Variants in CHL1 observed in about 807,000 individuals in gnomAD.
CHL1 encodes the protein cell adhesion molecule L1 like, also known as neural cell adhesion molecule L1-like protein.
A neutral mutation model predicts 141.9 loss-of-function variants in CHL1; 96 were observed. The observed-to-expected ratio is 0.68, with a 90% CI of 0.57 to 0.80. The LOEUF is 0.80. Among genes scored for constraint, CHL1 ranks in the 30% least tolerant of loss-of-function variants. The pLI is 0.00. For missense variants in CHL1, 1,820 were observed against 1,457.2 expected (o/e 1.25, Z -4.05); for synonymous variants, 613 against 502.2 (o/e 1.22, Z -2.95).
chr3:234,591 G>A (rs1335849414), intron 1 of CHL1, among the ~76,000 whole-genome samples: 1 of 152,080 alleles, frequency 6.6e-6, no homozygotes, highest in African/African-American at 2.4e-5. Context: ...GGGAGAGGAC[G>A]GGACTCTGAA....
At chr3:298,531 A>G (rs1475148103) in intron 2 of CHL1, among the ~76,000 whole-genome samples, 1 of 152,202 alleles carries the variant, frequency 6.6e-6, no homozygotes, top group Non-Finnish European at 1.5e-5. Flanking sequence ...CCAGGAGACC[A>G]TGCCCATAAA....
chr3:312,746 C>T (rs1161473921), intron 2 of CHL1, among the ~76,000 whole-genome samples: 2 of 152,166 alleles, frequency 1.3e-5, no homozygotes, highest in African/African-American at 4.8e-5. Context: ...AGACATCTTG[C>T]TTGATGCAGC....
chr3:384,888 A>G (rs932747122), intron 19 of CHL1, among the ~76,000 whole-genome samples: 1 of 152,210 alleles, frequency 6.6e-6, no homozygotes, highest in African/African-American at 2.4e-5. Context: ...TGTACTCATT[A>G]CACAATCACA....
chr3:388,699 TG>T (rs74786263), intron 19 of CHL1, among the ~76,000 whole-genome samples: 93,124 of 152,050 alleles, frequency 0.61, 33,275 homozygotes, highest in South Asian at 0.8. Context: ...GAGGAGCTAC[TG>T]TTTTTTTGTA....
chr3:349,237 G>A, intron 9 of CHL1, 122 bp from the exon 10 acceptor site: 1 of 763,808 alleles, frequency 1.3e-6, no homozygotes, highest in Non-Finnish European at 2.1e-6. Context: ...AGGATGACGT[G>A]ATTCAGTGGA....
At chr3:326,122 C>G in intron 4 of CHL1, 58 bp downstream of exon 4, 1 of 1,000,894 alleles carries the variant, frequency 1.0e-6, no homozygotes, top group Non-Finnish European at 1.5e-6. Flanking sequence ...TTATGCTGCT[C>G]TTTACTCTTA....
chr3:249,796 T>A (rs1025837417), intron 2 of CHL1, among the ~76,000 whole-genome samples: 3 of 152,146 alleles, frequency 2.0e-5, no homozygotes, highest in Non-Finnish European at 4.4e-5. Flanking sequence ...ACCAGTTATA[T>A]CAAGCCTTAT....
intron 1 of CHL1, among the ~76,000 whole-genome samples, chr3:219,533 T>C (rs1341080724): frequency 1.3e-5 from 2 of 152,212 alleles, no homozygotes; most frequent in Non-Finnish European, 2.9e-5. Context: ...ATCATGTCCT[T>C]TGCATGGACA....
intron 18 of CHL1, 78 bp downstream of exon 18, chr3:382,749 G>C: frequency 1.6e-6 from 2 of 1,245,938 alleles, no homozygotes; most frequent in Non-Finnish European, 2.3e-6. Context: ...AAAAAAGATT[G>C]ATAGAGTAAT....
At chr3:403,250 G>C (rs1709284088) in intron 27 of CHL1, among the ~76,000 whole-genome samples, 1 of 152,264 alleles carries the variant, frequency 6.6e-6, no homozygotes, top group East Asian at 1.9e-4. Flanking sequence ...GTGAGCCAGG[G>C]AGCAAGAGAG....
intron 15 of CHL1, among the ~76,000 whole-genome samples, chr3:366,336 T>A (rs1304712771): frequency 6.6e-6 from 1 of 151,970 alleles, no homozygotes; most frequent in Non-Finnish European, 1.5e-5. Context: ...CCGGGCATGA[T>A]GGCACGTGCC....
In CHL1 at chr3:404,909, C is replaced by T. The variant is rs1223226365; in HGVS notation, c.3459-586C>T. ...TCCCACAGTTCAGGATTCTGAGAAG[C>T]CTAAGAGCAAAGTGCCAGCATTTTC... On this transcript the variant is annotated intron_variant, in intron 27 of 27. Coordinates refer to ENST00000256509, the MANE Select transcript of CHL1 (RefSeq NM_006614.4). Among the ~76,000 whole-genome samples the T allele has an allele frequency of 3.3e-5, 5 of 152,076 alleles. No individual in the cohort carries two copies. The East Asian group carries it at 9.6e-4, about 29-fold the overall frequency.
rs1262001416 is a variant in CHL1 at position 360,301 on chromosome 3, G to A, written c.1183G>A (p.Asp395Asn). The A allele has an allele frequency of 5.0e-6, 8 of 1,613,676 alleles. No homozygotes were observed. Among genetic ancestry groups the A allele is most frequent in the South Asian group, 4.4e-5 (4 of 91,072 alleles). Residue 395 changes from aspartate (D) to asparagine (N), a missense_variant, in exon 12 of 28, where the codon GAT becomes AAT. Coordinates refer to ENST00000256509, the MANE Select transcript of CHL1 (RefSeq NM_006614.4). ...SPVDNHPFAG[D>N]VVFPREISFT... The stretch of plus-strand genomic sequence containing the variant: ...TCTTTCAGATCATCCATTTGCTGGT[G>A]ATGTTGTCTTCCCCAGGGAAATCAG...
chr3:354,600 A>T (rs773171586), intron 10 of CHL1, 40 bp from the exon 11 acceptor site: 2 of 1,569,370 alleles, frequency 1.3e-6, no homozygotes, highest in South Asian at 1.2e-5. Flanking sequence ...ACTTTTTGAC[A>T]TAGATAACAT....
intron 1 of CHL1, among the ~76,000 whole-genome samples, chr3:232,872 T>G (rs1271388034): frequency 6.6e-6 from 1 of 152,178 alleles, no homozygotes; most frequent in Non-Finnish European, 1.5e-5. Context: ...GAATTTTCTC[T>G]GTTACTCCAC....
At chr3:280,933 A>G (rs970161330) in intron 2 of CHL1, among the ~76,000 whole-genome samples, 23 of 151,972 alleles carry the variant, frequency 1.5e-4, no homozygotes, top group East Asian at 3.9e-4. Flanking sequence ...ACACACACAC[A>G]CGCACACACA....
chr3:213,007 G>A lies in CHL1; in HGVS notation c.-175+15944G>A, dbSNP rs77875946. Among the ~76,000 whole-genome samples, 1,072 of 152,172 alleles carry A rather than the reference G, an allele frequency of 7.0e-3. 13 individuals carry two copies. Among genetic ancestry groups the A allele is most frequent in the African/African-American group, 0.025 (1,018 of 41,512 alleles). ...CCTTAAATGAAACACCAGTGTCAAC[G>A]GCAAACAATGAAAAGTAAGAGCAAA... On this transcript the variant is annotated intron_variant, in intron 1 of 27. Transcript: ENST00000256509.
intron 5 of CHL1, among the ~76,000 whole-genome samples, chr3:340,154 G>A (rs1702245649): frequency 6.6e-6 from 1 of 152,124 alleles, no homozygotes; most frequent in Non-Finnish European, 1.5e-5. Flanking sequence ...GTGTGGGGAG[G>A]AAACAATAGG....
rs764628823 is a variant in CHL1 at position 390,724 on chromosome 3, C to A, written c.2494C>A (p.His832Asn). The A allele has an allele frequency of 1.2e-6, 2 of 1,601,298 alleles. No individual in the cohort carries two copies. The highest frequency in any genetic ancestry group is 1.7e-5 in the Admixed American group (1 of 60,012). ...EDYPDTAPVIHGVDVINSTLV... is the reference protein window; with the variant it reads ...EDYPDTAPVINGVDVINSTLV... ...AGATCCTGATACAGCTCCAGTGATCCATGGGGTGGACGTTATAAACAGTAC... is the reference window on the plus strand; with the variant it reads ...AGATCCTGATACAGCTCCAGTGATCAATGGGGTGGACGTTATAAACAGTAC... The change falls in exon 21 of 28, where the codon CAT (histidine) becomes AAT (asparagine). Residue 832 changes from histidine (H) to asparagine (N), a missense_variant. Coordinates refer to ENST00000256509, the MANE Select transcript of CHL1 (RefSeq NM_006614.4).
Sources: allele counts gnomAD v4.1 joint callset (sites outside exome capture counted in the v4.1 genomes callset), GRCh38; gene constraint gnomAD v4.1.1; transcripts MANE v1.5; gene names NCBI Gene and HGNC (gene_info 2026-07-23, HGNC 2026-07-21).